The following BAHD1 variants were observed in gnomAD, a reference collection of about 807,000 sequenced individuals.
BAHD1 encodes bromo adjacent homology domain containing 1.
Under a neutral mutation model 63.1 loss-of-function variants are expected in BAHD1, and 20 were observed. The observed-to-expected ratio is 0.32, with a 90% CI of 0.22 to 0.46. The LOEUF (loss-of-function observed/expected upper bound fraction) is 0.46. Ranked by LOEUF, BAHD1 falls within the 20% of genes least tolerant of loss-of-function variation. The probability of loss-of-function intolerance (pLI) is 1.00; values close to 1 mark genes in which losing one functional copy is unlikely to be tolerated. For missense variants in BAHD1, 939 were observed against 1,071.8 expected (o/e 0.88, Z 1.73); for synonymous variants, 408 against 426.8 (o/e 0.96, Z 0.54).
chr15:40,465,921 T>C lies in BAHD1; in HGVS notation c.2154-20T>C, dbSNP rs753672684. On this transcript the variant is annotated intron_variant, in intron 6 of 6. Coordinates refer to ENST00000416165, the MANE Select transcript of BAHD1 (RefSeq NM_014952.5). Reference sequence around the variant, plus strand: ...GCAAAAGTGGCTGGAGTAAAGACAGTGAATGGTATCTCTCTACAGGTTCTG... The same window carrying C: ...GCAAAAGTGGCTGGAGTAAAGACAGCGAATGGTATCTCTCTACAGGTTCTG... The C allele has an allele frequency of 3.2e-6, 5 of 1,545,730 alleles. No individual in the cohort carries two copies. The Admixed American group carries it at 6.1e-5, about 19-fold the overall frequency.
rs1894223495 is a variant in BAHD1, at chr15:40,466,804, C to T, written c.*674C>T. On this transcript the variant is annotated 3_prime_UTR_variant, in exon 7 of 7. Coordinates refer to ENST00000416165, the MANE Select transcript of BAHD1 (RefSeq NM_014952.5). ...GGCCCACTTGTGGGAGTCTCCTGTC[C>T]ACCTCCCAGAGACGGCCACCCAGCG... 1 of 152,334 alleles carries T rather than the reference C, an allele frequency of 6.6e-6. No individual in the cohort carries two copies. 9.4% of individuals were successfully genotyped at this position (152,334 alleles called of 1,614,324 possible). A position where few individuals can be genotyped will look rare whatever the true frequency, so the allele number is the denominator to read the frequency against.
upstream of BAHD1, among the ~76,000 whole-genome samples, chr15:40,437,616 C>G (rs1307991533): frequency 6.6e-6 from 1 of 152,210 alleles, no homozygotes; most frequent in Non-Finnish European, 1.5e-5. Context: ...ACTTCAGGTG[C>G]TCTGGGGGTT....
At chr15:40,449,702 G>C (rs149650498) in intron 1 of BAHD1, among the ~76,000 whole-genome samples, 1 of 151,832 alleles carries the variant, frequency 6.6e-6, no homozygotes, top group Non-Finnish European at 1.5e-5. Flanking sequence ...CCAACTACTC[G>C]GGAGGCTGAG....
Position 40,462,085 on chromosome 15 carries a change from C to T in BAHD1, c.1606C>T (p.Pro536Ser). 6.2e-7 allele frequency: 1 copy of T among 1,613,500 alleles called. No individual in the cohort carries two copies. The highest frequency in any genetic ancestry group is 8.5e-7 in the Non-Finnish European group (1 of 1,180,014). Reference protein sequence around the residue: ...SEPQTVARACPQSAKPPSGSK... With the variant: ...SEPQTVARACSQSAKPPSGSK... The stretch of plus-strand genomic sequence containing the variant: ...GCCCCAGACAGTAGCCCGTGCGTGC[C>T]CTCAGAGCGCCAAACCTCCCAGCGG... Residue 536 changes from proline to serine, a missense_variant, in exon 3 of 7, where the codon CCT (proline) becomes TCT (serine). Physicochemically the swap from Pro to Ser is moderately conservative, Grantham distance 74. Around this residue, in one of 5 missense-constraint regions of BAHD1, gnomAD observed 797 missense variants for 813.3 expected, o/e 0.98. Coordinates refer to ENST00000416165, the MANE Select transcript of BAHD1 (RefSeq NM_014952.5).
chr15:40,455,796 G>T (rs186563187), intron 1 of BAHD1, among the ~76,000 whole-genome samples: 3 of 152,226 alleles, frequency 2.0e-5, no homozygotes, highest in African/African-American at 4.8e-5. Context: ...TGCATGGTCT[G>T]TTCACTTATC....
chr15:40,457,187 C>A (rs1215798626), intron 1 of BAHD1, among the ~76,000 whole-genome samples: 1 of 152,230 alleles, frequency 6.6e-6, no homozygotes, highest in Non-Finnish European at 1.5e-5. Flanking sequence ...TCATTTGTCT[C>A]CTGTGTTAGT....
chr15:40,438,072 C>CT (rs1006379144), upstream of BAHD1, among the ~76,000 whole-genome samples: 1 of 152,178 alleles, frequency 6.6e-6, no homozygotes, highest in African/African-American at 2.4e-5. Flanking sequence ...GTGCCAAACC[C>CT]TTTTTTCAGT....
rs377650565 is a variant in BAHD1, at chr15:40,459,031, C to T, written c.567C>T (p.Pro189=). 6.3e-6 allele frequency: 10 copies of T among 1,599,672 alleles called. No individual in the cohort carries two copies. Among genetic ancestry groups the T allele is most frequent in the South Asian group, 2.2e-5 (2 of 89,806 alleles). ...GGGACCTGTCTCCAGAGCCAGCACC[C>T]GATGAAGGTCCCCGCCGAGATGGAG... ...GSRDLSPEPA[P]DEGPRRDGDP... is the part of the protein sequence containing the mutation. The change falls in exon 2 of 7, where the codon CCC becomes CCT. Residue 189 remains proline (P), a synonymous_variant. Transcript: ENST00000416165.
intron 1 of BAHD1, chr15:40,443,439 A>G (rs1336325144): frequency 4.3e-6 from 2 of 464,536 alleles, no homozygotes; most frequent in Non-Finnish European, 5.6e-6. Flanking sequence ...CTGTGAGGCT[A>G]CACGGCATGT....
At chr15:40,442,763 A>C (rs537954430) in intron 1 of BAHD1, among the ~76,000 whole-genome samples, 2 of 152,328 alleles carry the variant, frequency 1.3e-5, no homozygotes, top group African/African-American at 4.8e-5. Context: ...GCAGGAATTT[A>C]ATAATGAAAT....
Position 40,466,243 on chromosome 15 carries a change from C to A in BAHD1, c.*113C>A. 1.1e-6 allele frequency: 1 copy of A among 929,502 alleles called. No homozygotes were observed. Among genetic ancestry groups the A allele is most frequent in the Non-Finnish European group, 1.5e-6 (1 of 671,796 alleles). The allele number at this position is 929,502 out of a possible 1,614,324, so 57.6% of individuals were successfully genotyped here. A position where few individuals can be genotyped will look rare whatever the true frequency, so the allele number is the denominator to read the frequency against. ...GCCACAGAGGCCTAAGTTTGCTGGC[C>A]TGTGGTTTTCTTGGGGGGGAGGGCA... On this transcript the variant is annotated 3_prime_UTR_variant, in exon 7 of 7. Coordinates refer to ENST00000416165, the MANE Select transcript of BAHD1 (RefSeq NM_014952.5).
Position 40,463,867 on chromosome 15 carries a change from C to T in BAHD1, c.1822C>T (p.Pro608Ser). Residue 608 changes from proline (P) to serine (S), a missense_variant, in exon 4 of 7, where the codon CCG becomes TCG. Pro to Ser is a moderately conservative substitution (Grantham distance 74). Coordinates refer to ENST00000416165, the MANE Select transcript of BAHD1 (RefSeq NM_014952.5). Reference protein sequence around the residue: ...CEKAVYVLDEPEPAIRKSYQA... With the variant: ...CEKAVYVLDESEPAIRKSYQA... ...TCATTGGTTTGTTGCCTAGGATGAG[C>T]CGGAGCCAGCCATCCGAAAGAGCTA... The T allele has an allele frequency of 6.2e-7, 1 of 1,614,090 alleles. No individual in the cohort carries two copies. Among genetic ancestry groups the T allele is most frequent in the African/African-American group, 1.3e-5 (1 of 75,060 alleles).
intron 1 of BAHD1, among the ~76,000 whole-genome samples, chr15:40,449,139 T>G (rs888981488): frequency 6.6e-6 from 1 of 151,788 alleles, no homozygotes; most frequent in African/African-American, 2.4e-5. Context: ...TTTGTACCTG[T>G]TTTTTTTCCT....
At chr15:40,452,319 G>A (rs1177949617) in intron 1 of BAHD1, among the ~76,000 whole-genome samples, 1 of 152,248 alleles carries the variant, frequency 6.6e-6, no homozygotes, top group African/African-American at 2.4e-5. Flanking sequence ...GCAACTTTGT[G>A]CTGTGGAGCT....
intron 1 of BAHD1, among the ~76,000 whole-genome samples, chr15:40,447,412 C>G (rs367975422): frequency 1.3e-5 from 2 of 151,944 alleles, no homozygotes; most frequent in South Asian, 4.2e-4. Flanking sequence ...ACTAAAAATA[C>G]AAAAATGAGC....
chr15:40,449,814 C>CAAAAAAAAAAAAAAAAAA (rs1053414532), intron 1 of BAHD1, among the ~76,000 whole-genome samples: 1 of 55,148 alleles, frequency 1.8e-5, no homozygotes, highest in Non-Finnish European at 3.9e-5. Flanking sequence ...GACCCTGTCT[C>CAAAAAAAAAAAAAAAAAA]AAAAAAAAAA....
At position 40,466,121 on chromosome 15, in the gene BAHD1, C is replaced by G; in HGVS notation, c.2334C>G (p.Asn778Lys). The part of the protein sequence containing the change: ...YDFRHGRILK[N>K]PQ ...TCCGCCACGGGCGCATCCTTAAGAA[C>G]CCCCAGTAGCCTCCTCATGCCCATG... Residue 778 changes from asparagine to lysine, a missense_variant, in exon 7 of 7, where the codon AAC becomes AAG. Asn to Lys is a moderately conservative substitution (Grantham distance 94). Around this residue, in one of 5 missense-constraint regions of BAHD1, gnomAD observed 68 missense variants for 86.2 expected, o/e 0.79. Coordinates refer to ENST00000416165, the MANE Select transcript of BAHD1 (RefSeq NM_014952.5). 6.2e-7 allele frequency: 1 copy of G among 1,612,298 alleles called. No individual in the cohort carries two copies. Among genetic ancestry groups the G allele is most frequent in the Non-Finnish European group, 8.5e-7 (1 of 1,178,978 alleles).
chr15:40,460,086 G>A (rs751443048), intron 2 of BAHD1, among the ~76,000 whole-genome samples, 190 bp downstream of exon 2: 1 of 152,164 alleles, frequency 6.6e-6, no homozygotes, highest in Non-Finnish European at 1.5e-5. Flanking sequence ...AACAGGGCCC[G>A]TATAGCTCTG....
intron 1 of BAHD1, among the ~76,000 whole-genome samples, chr15:40,455,042 C>T (rs575163591): frequency 1.3e-5 from 2 of 152,340 alleles, no homozygotes; most frequent in South Asian, 4.1e-4. Context: ...ATGCTCTCCC[C>T]AGAATGGAGT....
Sources: gnomAD v4.1 joint callset for allele counts (sites outside exome capture counted in the v4.1 genomes callset) on GRCh38, gnomAD v4.1.1 for gene constraint, gnomAD v4.1.1 regional missense constraint, MANE v1.5 for transcripts, NCBI Gene and HGNC (gene_info 2026-07-23, HGNC 2026-07-21) for gene names.